The following WDR83 variants were observed in gnomAD, a reference collection of about 807,000 sequenced individuals.
WDR83 encodes WD repeat domain-containing protein 83.
A neutral mutation model predicts 37.7 loss-of-function variants in WDR83; 37 were observed. The observed-to-expected ratio is 0.98, with a 90% confidence interval of 0.76 to 1.29. The LOEUF (loss-of-function observed/expected upper bound fraction) is 1.29, where lower values mean the gene tolerates loss of function less well. WDR83 is among the 50% of genes most tolerant of loss of function. The pLI is 0.00. For missense variants in WDR83, 445 were observed against 414.4 expected, an observed-to-expected ratio of 1.07 and a Z score of -0.64; for synonymous variants, 174 against 181.1, an observed-to-expected ratio of 0.96 and a Z score of 0.31.
chr19:12,670,331 A>G, intron 5 of WDR83, 46 bp downstream of exon 5: 1 of 1,594,766 alleles, frequency 6.3e-7, no homozygotes, highest in African/African-American at 1.3e-5. Flanking sequence ...GGGGACCCGT[A>G]TTAGCGCATA....
At chr19:12,669,054 C>T in intron 2 of WDR83, 1 of 1,495,886 alleles carries the variant, frequency 6.7e-7, no homozygotes, top group Non-Finnish European at 9.3e-7. Context: ...CAAGACACCC[C>T]GCTTCATTCC....
chr19:12,671,134 C>G lies in WDR83; in HGVS notation c.506+313C>G, dbSNP rs536619348. On this transcript the variant is annotated intron_variant, in intron 7 of 10. Coordinates refer to ENST00000418543, the MANE Select transcript of WDR83 (RefSeq NM_001099737.3). ...CTTGAGGTCAGGAGGTTGAGATCAG[C>G]CTGGCCAACATGGTGAAACCCCGTC... 231 of 267,548 alleles carry G rather than the reference C, an allele frequency of 8.6e-4. 1 individual carries two copies. Among genetic ancestry groups the G allele is most frequent in the Non-Finnish European group, 1.5e-3 (193 of 131,916 alleles). The allele number at this position is 267,548 out of a possible 1,614,324, so 16.6% of individuals were successfully genotyped here. A position where few individuals can be genotyped will look rare whatever the true frequency, so the allele number is the denominator to read the frequency against.
chr19:12,667,385 C>T (rs1225977475), intron 1 of WDR83, among the ~76,000 whole-genome samples: 2 of 152,212 alleles, frequency 1.3e-5, no homozygotes, highest in East Asian at 3.8e-4. Context: ...GAGGGCCAGG[C>T]TGGTGAATCA....
chr19:12,670,228 G>A lies in WDR83; in HGVS notation c.273G>A (p.Val91=). ...SLCSGGGDKA[V]VLWDVASGQV... ...GCTCCGGCGGCGGGGACAAGGCGGT[G>A]GTTCTGTGGGATGTGGCATCAGGGC... The change falls in exon 5 of 11, where the codon GTG becomes GTA. Residue 91 remains valine (V), a synonymous_variant. Coordinates refer to ENST00000418543, the MANE Select transcript of WDR83 (RefSeq NM_001099737.3). The A allele has an allele frequency of 2.5e-6, 4 of 1,614,192 alleles. No homozygotes were observed. Among genetic ancestry groups the A allele is most frequent in the Non-Finnish European group, 3.4e-6 (4 of 1,180,024 alleles).
At chr19:12,668,435 G>T in intron 1 of WDR83, 73 bp from the exon 2 acceptor site, 1 of 1,613,524 alleles carries the variant, frequency 6.2e-7, no homozygotes, top group Non-Finnish European at 8.5e-7. Flanking sequence ...CCTGAGACAG[G>T]AGAGAGGTGT....
intron 7 of WDR83, chr19:12,672,605 T>A: frequency 1.8e-6 from 1 of 543,298 alleles, no homozygotes; most frequent in Non-Finnish European, 3.3e-6. Flanking sequence ...CAAAACTCTG[T>A]CTCAAACAAA....
rs1326595296 is a variant in WDR83 at position 12,666,918 on chromosome 19, C to A, written c.-231C>A. ...GGCACTGGTTGGGCTAAAGGTGACA[C>A]TGGCGTCTCACGGGCTATGAAGACG... is the stretch of plus-strand genomic sequence containing the variant. On this transcript the variant is annotated 5_prime_UTR_variant, in exon 1 of 11. It adds an upstream start codon to the 5' untranslated region. Coordinates refer to ENST00000418543, the MANE Select transcript of WDR83 (RefSeq NM_001099737.3). The A allele has an allele frequency of 1.7e-6, 1 of 580,462 alleles. No individual in the cohort carries two copies. Among genetic ancestry groups the A allele is most frequent in the Admixed American group, 3.1e-5 (1 of 32,276 alleles). 36.0% of individuals were successfully genotyped at this position (580,462 alleles called of 1,614,324 possible).
In WDR83 at chr19:12,672,829, A is replaced by C. The variant is rs1185017124; in HGVS notation, c.507-18A>C. On this transcript the variant is annotated intron_variant, in intron 7 of 10. Transcript: ENST00000418543. ...TGAGTGTAGTCAAGGTTCCCGCTGG[A>C]TCTACCCTCTCCTGCAGCTCCGTGG... 6.4e-7 allele frequency: 1 copy of C among 1,568,796 alleles called. No homozygotes were observed. Among genetic ancestry groups the C allele is most frequent in the South Asian group, 1.2e-5 (1 of 85,356 alleles).
intron 10 of WDR83, among the ~76,000 whole-genome samples, chr19:12,675,224 C>T (rs1316208894): frequency 1.3e-5 from 2 of 152,100 alleles, no homozygotes; most frequent in African/African-American, 2.4e-5. Context: ...GCCAGGAGTT[C>T]GAGACCAGCC....
chr19:12,671,115 G>A (rs929191019), intron 7 of WDR83: 2 of 310,586 alleles, frequency 6.4e-6, no homozygotes, highest in Non-Finnish European at 1.3e-5. Context: ...ATCACTTGAG[G>A]TCAGGAGGTT....
chr19:12,673,465 T>TAG (rs1296225637), intron 10 of WDR83, 149 bp downstream of exon 10: 1 of 598,506 alleles, frequency 1.7e-6, no homozygotes, highest in East Asian at 3.0e-5. Context: ...TCGCCCAGGC[T>TAG]AGAGTGCAGT....
At chr19:12,669,587 A>G (rs2024350363) in intron 2 of WDR83, 168 bp from the exon 3 acceptor site, 4 of 945,774 alleles carry the variant, frequency 4.2e-6, no homozygotes, top group East Asian at 5.3e-5. Context: ...TTCCTTTCAA[A>G]GGGAAAATGG....
At chr19:12,675,452 G>C in intron 10 of WDR83, 71 bp from the exon 11 acceptor site, 1 of 1,556,530 alleles carries the variant, frequency 6.4e-7, no homozygotes, top group Non-Finnish European at 8.6e-7. Flanking sequence ...GAGATGGGGG[G>C]TGCCCAGGGA....
intron 10 of WDR83, among the ~76,000 whole-genome samples, chr19:12,674,110 G>A (rs2024500390): frequency 6.6e-6 from 1 of 152,228 alleles, no homozygotes; most frequent in Non-Finnish European, 1.5e-5. Flanking sequence ...CTTCAGGGTG[G>A]CGGCAGGTGC....
chr19:12,667,659 C>CA (rs904631796), intron 1 of WDR83, among the ~76,000 whole-genome samples: 7 of 151,318 alleles, frequency 4.6e-5, no homozygotes, highest in South Asian at 2.1e-4. Flanking sequence ...AACTCTGTCT[C>CA]AAAAAAAACA....
rs766475506 is a variant in WDR83, at chr19:12,673,254, C to T, written c.736C>T (p.Arg246Cys). ...EYKLDCCLSE[R>C]DTHVVSCSED... ...CAAGCTGGACTGCTGCCTGAGCGAG[C>T]GTGACACACATGTGGTCAGCTGTTC... Residue 246 changes from arginine (R) to cysteine (C), a missense_variant, in exon 10 of 11, where the codon CGT becomes TGT. Transcript: ENST00000418543. 20 of 1,613,868 alleles carry T rather than the reference C, an allele frequency of 1.2e-5. No homozygotes were observed. In the Middle Eastern group the frequency reaches 4.9e-4, roughly 40 times the overall value.
chr19:12,670,196 AGTC>A lies in WDR83; in HGVS notation c.242_244del (p.Ser81_Leu82delinsIle). On this transcript the variant is annotated inframe_deletion, in exon 5 of 11. Transcript: ENST00000418543. ...TTACTCCAGCTCCTTTGACAACAGT[AGTC>A]TCTGCTCCGGCGGCGGGGACAAGGC... is the stretch of plus-strand genomic sequence containing the variant. The A allele has an allele frequency of 6.2e-7, 1 of 1,614,010 alleles. No homozygotes were observed. The highest frequency in any genetic ancestry group is 8.5e-7 in the Non-Finnish European group (1 of 1,179,980).
chr19:12,672,808 T>C (rs1341330231), intron 7 of WDR83, 39 bp from the exon 8 acceptor site: 2 of 1,552,132 alleles, frequency 1.3e-6, no homozygotes, highest in South Asian at 1.2e-5. Flanking sequence ...GCCATGTGAG[T>C]GTAGTCAAGG....
chr19:12,669,664 C>A lies in WDR83; in HGVS notation c.-36-91C>A, dbSNP rs574254127. On this transcript the variant is annotated intron_variant, in intron 2 of 10. Transcript: ENST00000418543. ...TCACCGAAATGCCAAAATGATGAAC[C>A]CGGAAGTGATAAACAGGAAGTAGGT... 5 of 1,096,228 alleles carry A rather than the reference C, an allele frequency of 4.6e-6. No individual in the cohort carries two copies. The East Asian group carries it at 1.3e-4, about 28-fold the overall frequency. The allele number at this position is 1,096,228 out of a possible 1,614,324, so 67.9% of individuals were successfully genotyped here.
Sources: allele counts gnomAD v4.1 joint callset (sites outside exome capture counted in the v4.1 genomes callset), GRCh38; gene constraint gnomAD v4.1.1; transcripts MANE v1.5; gene names NCBI Gene and HGNC (gene_info 2026-07-23, HGNC 2026-07-21).